The following PCDHA2 variants were observed in gnomAD, a reference collection of about 807,000 sequenced individuals.
PCDHA2 encodes the protein protocadherin alpha 2.
In PCDHA2, 58 loss-of-function variants were observed where a neutral mutation model predicts 66.0. The observed-to-expected ratio is 0.88, with a 90% CI of 0.71 to 1.09. The LOEUF (loss-of-function observed/expected upper bound fraction) is 1.09, where lower values mean the gene tolerates loss of function less well. Ranked by LOEUF, PCDHA2 falls within the 50% of genes least tolerant of loss-of-function variation. The pLI, the probability that PCDHA2 is intolerant of heterozygous loss-of-function variation, is 0.00. For synonymous variants in PCDHA2, 634 were observed against 554.0 expected (o/e 1.14, Z -2.03); for missense variants, 1,267 against 1,242.3 (o/e 1.02, Z -0.30).
intron 1 of PCDHA2, chr5:140,860,966 T>A (rs2046677867): frequency 6.6e-6 from 1 of 152,238 alleles, no homozygotes; most frequent in African/African-American, 2.4e-5. Context: ...CTAGATCTCC[T>A]GACCTCGTGA....
chr5:140,803,471 G>A (rs1763210316), intron 1 of PCDHA2: 1 of 1,614,266 alleles, frequency 6.2e-7, no homozygotes. Context: ...AGCAGAGGGT[G>A]TGCTCTGGAG....
intron 1 of PCDHA2, among the ~76,000 whole-genome samples, chr5:140,944,938 A>G (rs2153667882): frequency 6.6e-6 from 1 of 152,262 alleles, no homozygotes; most frequent in African/African-American, 2.4e-5. Context: ...CCTTCTTTAG[A>G]TGATTGTGAA....
At chr5:140,870,010 G>A in intron 1 of PCDHA2, 1 of 1,613,560 alleles carries the variant, frequency 6.2e-7, no homozygotes, top group Non-Finnish European at 8.5e-7. Context: ...AGAAGTGAGG[G>A]TCAATGGAAC....
intron 1 of PCDHA2, among the ~76,000 whole-genome samples, chr5:140,965,466 A>C (rs1364686627): frequency 2.6e-5 from 4 of 152,002 alleles, no homozygotes; most frequent in Non-Finnish European, 4.4e-5. Flanking sequence ...GATAAATCCC[A>C]GACTCCCACA....
chr5:140,830,084 GT>G, intron 1 of PCDHA2: 1 of 1,613,714 alleles, frequency 6.2e-7, no homozygotes, highest in Non-Finnish European at 8.5e-7. Flanking sequence ...GACGGCCACG[GT>G]TCTGGTGTCG....
At chr5:140,876,754 C>A in intron 1 of PCDHA2, 1 of 1,614,212 alleles carries the variant, frequency 6.2e-7, no homozygotes, top group Non-Finnish European at 8.5e-7. Context: ...GGTGACTGCG[C>A]GGGATGGGGG....
chr5:140,986,246 C>T (rs561365390), intron 3 of PCDHA2, among the ~76,000 whole-genome samples: 1 of 152,178 alleles, frequency 6.6e-6, no homozygotes, highest in African/African-American at 2.4e-5. Flanking sequence ...TGAGCAGACC[C>T]GGACCACAGG....
intron 1 of PCDHA2, among the ~76,000 whole-genome samples, chr5:140,974,769 T>C (rs1487371754): frequency 6.6e-6 from 1 of 152,238 alleles, no homozygotes; most frequent in Non-Finnish European, 1.5e-5. Context: ...ATTACAGGTA[T>C]GAGCCACTGC....
chr5:140,861,885 C>G (rs2047123718), intron 1 of PCDHA2: 1 of 155,106 alleles, frequency 6.4e-6, no homozygotes, highest in Non-Finnish European at 1.4e-5. Flanking sequence ...GCTGAGCTGA[C>G]AGGCACCAAA....
rs1369166743 is a variant in PCDHA2 at position 140,796,972 on chromosome 5, G to A, written c.2008G>A (p.Val670Met). 1.9e-6 allele frequency: 3 copies of A among 1,613,714 alleles called. No homozygotes were observed. The highest frequency in any genetic ancestry group is 2.2e-5 in the East Asian group (1 of 44,878). Residue 670 changes from valine (V) to methionine (M), a missense_variant, in exon 1 of 4, where the codon GTG (valine) becomes ATG (methionine). By Grantham distance (21) the Val-to-Met change is conservative. Coordinates refer to ENST00000526136, the MANE Select transcript of PCDHA2 (RefSeq NM_018905.3). ...TATATVLVSL[V>M]ESGQAPKASS... is the part of the protein sequence containing the mutation. ...CACGGCCACCGTGTTAGTGTCGTTGGTGGAAAGTGGCCAGGCACCCAAGGC... is the reference window on the plus strand; with the variant it reads ...CACGGCCACCGTGTTAGTGTCGTTGATGGAAAGTGGCCAGGCACCCAAGGC...
At chr5:140,822,157 A>C in intron 1 of PCDHA2, 1 of 1,614,258 alleles carries the variant, frequency 6.2e-7, no homozygotes, top group South Asian at 1.1e-5. Flanking sequence ...CATCAATGAC[A>C]ATCCGCCCAG....
intron 3 of PCDHA2, among the ~76,000 whole-genome samples, chr5:140,992,189 G>T (rs1554252741): frequency 6.6e-6 from 1 of 152,098 alleles, no homozygotes; most frequent in Non-Finnish European, 1.5e-5. Context: ...TGCTTTCAGT[G>T]ATCTATCCAA....
intron 1 of PCDHA2, chr5:140,834,247 G>C: frequency 1.1e-6 from 1 of 891,604 alleles, no homozygotes; most frequent in Non-Finnish European, 1.7e-6. Flanking sequence ...TTTCGCACTG[G>C]AAAGACGCTC....
rs116814228 is a variant in PCDHA2, at chr5:140,916,284, C to T, written c.2389-62665C>T. ...AGAGCATGCTTGTTGCTCTACTCCACGTGGCCAAACTGGTACCAAAGGTGC... is the reference window on the plus strand; with the variant it reads ...AGAGCATGCTTGTTGCTCTACTCCATGTGGCCAAACTGGTACCAAAGGTGC... On this transcript the variant is annotated intron_variant, in intron 1 of 3. Coordinates refer to ENST00000526136, the MANE Select transcript of PCDHA2 (RefSeq NM_018905.3). Among the ~76,000 whole-genome samples the T allele has an allele frequency of 8.7e-3, 1,322 of 152,308 alleles. 14 individuals carry two copies. The highest frequency in any genetic ancestry group is 0.03 in the African/African-American group (1,254 of 41,566).
chr5:140,873,181 T>C (rs2153284921), intron 1 of PCDHA2, among the ~76,000 whole-genome samples: 1 of 152,304 alleles, frequency 6.6e-6, no homozygotes, highest in African/African-American at 2.4e-5. Flanking sequence ...TGTATCATAA[T>C]ATTCATTGGC....
chr5:140,895,253 C>CT (rs1411327383), intron 1 of PCDHA2, among the ~76,000 whole-genome samples: 1 of 151,966 alleles, frequency 6.6e-6, no homozygotes. Context: ...TCAAAGCTTT[C>CT]TTTTTTTTCT....
intron 1 of PCDHA2, among the ~76,000 whole-genome samples, chr5:140,878,493 C>A (rs1339637878): frequency 6.6e-6 from 1 of 152,008 alleles, no homozygotes; most frequent in Non-Finnish European, 1.5e-5. Context: ...AATATTTAAC[C>A]ATCTGTACGA....
At chr5:140,954,086 C>T (rs2094976679) in intron 1 of PCDHA2, among the ~76,000 whole-genome samples, 1 of 152,212 alleles carries the variant, frequency 6.6e-6, no homozygotes, top group African/African-American at 2.4e-5. Context: ...CTTCCAGCTC[C>T]ATCCATGTCC....
chr5:140,986,385 T>C (rs1554247992), intron 3 of PCDHA2, among the ~76,000 whole-genome samples: 2 of 152,134 alleles, frequency 1.3e-5, no homozygotes, highest in Non-Finnish European at 1.5e-5. Context: ...GGAGGGACAT[T>C]AAAGGGCCAG....
Sources: gnomAD v4.1 joint callset for allele counts (sites outside exome capture counted in the v4.1 genomes callset) on GRCh38, gnomAD v4.1.1 for gene constraint, MANE v1.5 for transcripts, NCBI Gene and HGNC (gene_info 2026-07-23, HGNC 2026-07-21) for gene names.